Variants in MYO18B observed in about 807,000 individuals in gnomAD.
The protein encoded by MYO18B is unconventional myosin-XVIIIb.
Under a neutral mutation model 273.0 loss-of-function variants are expected in MYO18B, and 204 were observed. The ratio of observed to expected loss-of-function variants is 0.75; its 90% CI spans 0.67 to 0.84. MYO18B has a LOEUF of 0.84. MYO18B is among the 40% of genes least tolerant of loss of function. The pLI, the probability that MYO18B is intolerant of heterozygous loss-of-function variation, is 0.00. For synonymous variants in MYO18B, 1,330 were observed against 1,305.7 expected, an observed-to-expected ratio of 1.02 and a Z score of -0.40; for missense variants, 3,212 against 3,287.6, an observed-to-expected ratio of 0.98 and a Z score of 0.56.
chr22:25,999,546 CCCTCCCCCTCT>C (rs1933704450), intron 40 of MYO18B, among the ~76,000 whole-genome samples: 1 of 35,450 alleles, frequency 2.8e-5, no homozygotes, highest in African/African-American at 2.0e-4. Flanking sequence ...CCCCTCTTCC[CCCTCCCCCTCT>C]TCCCCCTCCT....
chr22:25,898,277 G>A, intron 28 of MYO18B, 30 bp from the exon 29 acceptor site: 2 of 1,602,614 alleles, frequency 1.2e-6, no homozygotes, highest in Non-Finnish European at 8.5e-7. Flanking sequence ...TGCCCACAGA[G>A]CCGGGTAATT....
the MYO18B span, among the ~76,000 whole-genome samples, chr22:26,041,528 T>C: frequency 6.6e-6 from 1 of 152,002 alleles, no homozygotes; most frequent in South Asian, 2.1e-4. Context: ...TGAGGCTCTA[T>C]CTCAAAAATA....
At chr22:26,001,804 A>C (rs1018847465) in intron 40 of MYO18B, among the ~76,000 whole-genome samples, 1 of 152,004 alleles carries the variant, frequency 6.6e-6, no homozygotes, top group Non-Finnish European at 1.5e-5. Flanking sequence ...AAGAGGGTGA[A>C]TCTGAATGCC....
At chr22:25,932,136 A>G (rs758203055) in intron 34 of MYO18B, among the ~76,000 whole-genome samples, 1 of 152,166 alleles carries the variant, frequency 6.6e-6, no homozygotes, top group Non-Finnish European at 1.5e-5. Flanking sequence ...ATTTTGAAAG[A>G]ATTTAAAACT....
At chr22:26,058,144 C>A in the MYO18B span, among the ~76,000 whole-genome samples, 1 of 152,158 alleles carries the variant, frequency 6.6e-6, no homozygotes, top group Non-Finnish European at 1.5e-5. Flanking sequence ...CTATCACTTT[C>A]AGAAAATTAT....
intron 21 of MYO18B, among the ~76,000 whole-genome samples, chr22:25,857,551 A>G (rs990000133): frequency 6.6e-6 from 1 of 152,204 alleles, no homozygotes; most frequent in Non-Finnish European, 1.5e-5. Context: ...TCTGCTCTCT[A>G]GGTGCTGAAT....
At chr22:25,864,972 A>C (rs2090844810) in intron 21 of MYO18B, among the ~76,000 whole-genome samples, 1 of 152,204 alleles carries the variant, frequency 6.6e-6, no homozygotes, top group Admixed American at 6.5e-5. Flanking sequence ...GTCTTTTTCC[A>C]CCAACTGGTT....
chr22:25,845,247 G>T (rs374024070), intron 18 of MYO18B, among the ~76,000 whole-genome samples: 2 of 152,192 alleles, frequency 1.3e-5, no homozygotes, highest in African/African-American at 4.8e-5. Flanking sequence ...GGCCGGGCGC[G>T]GTGGCTCACG....
At chr22:25,935,565 G>C (rs1018393897) in intron 34 of MYO18B, among the ~76,000 whole-genome samples, 1 of 149,608 alleles carries the variant, frequency 6.7e-6, no homozygotes, top group African/African-American at 2.5e-5. Context: ...TAAGTAGGAA[G>C]TAGAGGGAAA....
At chr22:26,053,103 G>A in the MYO18B span, among the ~76,000 whole-genome samples, 5 of 152,196 alleles carry the variant, frequency 3.3e-5, no homozygotes, top group East Asian at 1.9e-4. Context: ...CACCACACCC[G>A]GCCGAATTGG....
chr22:25,869,449 C>CAAAAAAAAAAAAAAAAAAAAAAAAAAA (rs58609325), intron 22 of MYO18B, among the ~76,000 whole-genome samples: 1 of 58,120 alleles, frequency 1.7e-5, no homozygotes, highest in Non-Finnish European at 3.0e-5. Context: ...TACTGTGTCT[C>CAAAAAAAAAAAAAAAAAAAAAAAAAAA]AAAAAAAAAA....
At chr22:25,892,325 A>C (rs879712192) in intron 27 of MYO18B, 1 of 152,292 alleles carries the variant, frequency 6.6e-6, no homozygotes, top group Non-Finnish European at 1.5e-5. Context: ...AAGCTGTGTC[A>C]GGCGCACAAC....
chr22:26,030,510 G>C lies in MYO18B; in HGVS notation c.*80G>C, dbSNP rs2041473445. The C allele has an allele frequency of 6.0e-6, 1 of 167,614 alleles. No homozygotes were observed. The highest frequency in any genetic ancestry group is 2.0e-4 in the South Asian group (1 of 4,978). The allele number at this position is 167,614 out of a possible 1,614,324, so 10.4% of individuals were successfully genotyped here. A position where few individuals can be genotyped will look rare whatever the true frequency, so the allele number is the denominator to read the frequency against. Reference sequence around the variant, plus strand: ...ACTTGGAGACAGAGAGACTGGCCAGGCCTCCCCGGTGGCCAGAGCCAGCCA... The same window carrying C: ...ACTTGGAGACAGAGAGACTGGCCAGCCCTCCCCGGTGGCCAGAGCCAGCCA... On this transcript the variant is annotated 3_prime_UTR_variant, in exon 44 of 44. Coordinates refer to ENST00000335473, the MANE Select transcript of MYO18B (RefSeq NM_032608.7).
At chr22:26,032,320 A>G (rs1469931213), downstream of MYO18B, among the ~76,000 whole-genome samples, 5 of 152,158 alleles carry the variant, frequency 3.3e-5, no homozygotes, top group African/African-American at 1.2e-4. Flanking sequence ...TCTGAAATCA[A>G]GGTGTCAGCA....
intron 39 of MYO18B, among the ~76,000 whole-genome samples, chr22:25,956,369 C>A (rs2092852159): frequency 6.6e-6 from 1 of 152,030 alleles, no homozygotes; most frequent in Admixed American, 6.6e-5. Flanking sequence ...GCATGAGCCA[C>A]CATGTCCGTC....
chr22:25,955,337 A>C lies in MYO18B; in HGVS notation c.6129A>C (p.Ala2043=). ...ADMEELVQRE[A]EASRRCMELE... is the part of the protein sequence containing the mutation. ...TGGAAGAGCTGGTGCAGCGGGAGGC[A>C]GAGGCCAGCCGGCGGTGCATGGAGC... is the stretch of plus-strand genomic sequence containing the variant. Residue 2043 remains alanine, a synonymous_variant, in exon 39 of 44, where the codon GCA becomes GCC. Coordinates refer to ENST00000335473, the MANE Select transcript of MYO18B (RefSeq NM_032608.7). 2 of 1,613,610 alleles carry C rather than the reference A, an allele frequency of 1.2e-6. 1 individual carries two copies. Among genetic ancestry groups the C allele is most frequent in the South Asian group, 2.2e-5 (2 of 91,052 alleles).
At chr22:25,744,402 T>C (rs1375615722) in intron 1 of MYO18B, among the ~76,000 whole-genome samples, 1 of 152,128 alleles carries the variant, frequency 6.6e-6, no homozygotes, top group Non-Finnish European at 1.5e-5. Context: ...TTGAAGCACA[T>C]GGTCAGCTGC....
At chr22:25,790,864 T>A (rs905771004) in intron 11 of MYO18B, among the ~76,000 whole-genome samples, 3 of 152,066 alleles carry the variant, frequency 2.0e-5, no homozygotes, top group African/African-American at 7.2e-5. Flanking sequence ...AGAAGGGGAT[T>A]AGAAAGCCTG....
chr22:25,909,536 A>G (rs1298391734), intron 32 of MYO18B, among the ~76,000 whole-genome samples: 1 of 152,178 alleles, frequency 6.6e-6, no homozygotes, highest in South Asian at 2.1e-4. Context: ...GGAATCTCTC[A>G]GTCCCTGCCC....
Sources: allele counts gnomAD v4.1 joint callset (sites outside exome capture counted in the v4.1 genomes callset), GRCh38; gene constraint gnomAD v4.1.1; transcripts MANE v1.5; gene names NCBI Gene and HGNC (gene_info 2026-07-23, HGNC 2026-07-21).